DROSHA: variants seen among roughly 807,000 people sequenced by gnomAD.
DROSHA encodes the protein ribonuclease 3.
A neutral mutation model predicts 181.9 loss-of-function variants in DROSHA; 56 were observed. That is an observed-to-expected ratio of 0.31 (90% confidence interval 0.25 to 0.38). DROSHA has a LOEUF of 0.38. DROSHA is among the 10% of genes least tolerant of loss of function. DROSHA has a pLI of 1.00. For synonymous variants in DROSHA, 524 were observed against 591.2 expected (o/e 0.89, Z 1.65); for missense variants, 1,218 against 1,743.5 (o/e 0.70, Z 5.37).
At chr5:31,519,301 G>A (rs1423320352) in intron 6 of DROSHA, among the ~76,000 whole-genome samples, 4 of 151,984 alleles carry the variant, frequency 2.6e-5, no homozygotes, top group Admixed American at 2.6e-4. Flanking sequence ...CTTTTCTCCT[G>A]TCTCCTCTCC....
intron 23 of DROSHA, among the ~76,000 whole-genome samples, chr5:31,446,808 G>C (rs181659211): frequency 3.3e-5 from 5 of 152,312 alleles, no homozygotes; most frequent in Admixed American, 3.3e-4. Context: ...GGGAGCCCAA[G>C]GCAGATGGAT....
intron 8 of DROSHA, among the ~76,000 whole-genome samples, chr5:31,511,564 G>C (rs1185583311): frequency 1.3e-5 from 2 of 152,024 alleles, no homozygotes; most frequent in African/African-American, 2.4e-5. Flanking sequence ...AAATTAGCCA[G>C]GTGGTGTGTG....
In DROSHA at chr5:31,401,367, A is replaced by G; in HGVS notation, c.*65T>C. On this transcript the variant is annotated 3_prime_UTR_variant, in exon 36 of 36. Transcript: ENST00000344624. Reference sequence around the variant, plus strand: ...TCATTGTCTGCAGGAAAACTAGGCTAGGTCTCAATAGACAACAGTCACAGT... The same window carrying G: ...TCATTGTCTGCAGGAAAACTAGGCTGGGTCTCAATAGACAACAGTCACAGT... 1.9e-6 allele frequency: 3 copies of G among 1,587,366 alleles called. No individual in the cohort carries two copies. Among genetic ancestry groups the G allele is most frequent in the Non-Finnish European group, 2.6e-6 (3 of 1,161,920 alleles).
At position 31,471,299 on chromosome 5, in the gene DROSHA, C is replaced by T. The variant is rs756469576; in HGVS notation, c.2241+764G>A. 2.0e-4 allele frequency among the ~76,000 whole-genome samples: 31 copies of T among 152,078 alleles called. No individual in the cohort carries two copies. In the South Asian group the frequency reaches 3.1e-3, roughly 15 times the overall value. ...AAGTAGATTATTCCATTTATTTTCA[C>T]GGAAATATTTTAATTCTTCATTTCT... On this transcript the variant is annotated intron_variant, in intron 17 of 35. Coordinates refer to ENST00000344624, the MANE Select transcript of DROSHA (RefSeq NM_001382508.1).
At chr5:31,431,366 C>CAAAAAAAAAAAAAAAAAAAAAAAAA (rs58316191) in intron 26 of DROSHA, among the ~76,000 whole-genome samples, 3 of 57,648 alleles carry the variant, frequency 5.2e-5, no homozygotes, top group African/African-American at 1.3e-4. Context: ...CAGTAGAATG[C>CAAAAAAAAAAAAAAAAAAAAAAAAA]AAAAAAAAAA....
At chr5:31,518,325 A>C (rs1739494279) in intron 6 of DROSHA, among the ~76,000 whole-genome samples, 1 of 152,214 alleles carries the variant, frequency 6.6e-6, no homozygotes. Flanking sequence ...TTGTGAAGAA[A>C]ACTGGTATTT....
intron 18 of DROSHA, chr5:31,467,335 CAAGGTA>C (rs920912886): frequency 6.7e-6 from 1 of 150,044 alleles, no homozygotes; most frequent in African/African-American, 2.4e-5. Flanking sequence ...GTGTGTTTAG[CAAGGTA>C]GGAAATCCAA....
chr5:31,484,331 G>C (rs4867335), intron 15 of DROSHA, among the ~76,000 whole-genome samples: 9,617 of 128,596 alleles, frequency 0.075, 589 homozygotes, highest in East Asian at 0.18. Context: ...CCGAGATTGC[G>C]CCACTGCAGT....
At chr5:31,453,929 A>T (rs113608457) in intron 20 of DROSHA, among the ~76,000 whole-genome samples, 2,613 of 111,060 alleles carry the variant, frequency 0.024, 73 homozygotes, top group African/African-American at 0.11. Context: ...TGCTTTAATT[A>T]AAAAAAAAAA....
chr5:31,465,617 T>A (rs570940968), intron 19 of DROSHA, among the ~76,000 whole-genome samples: 1 of 152,212 alleles, frequency 6.6e-6, no homozygotes, highest in South Asian at 2.1e-4. Flanking sequence ...AAATTTCACA[T>A]TGAAATATGA....
At chr5:31,424,917 G>A (rs918395620) in intron 27 of DROSHA, among the ~76,000 whole-genome samples, 3 of 151,984 alleles carry the variant, frequency 2.0e-5, no homozygotes, top group Non-Finnish European at 1.5e-5. Context: ...AGTGGAAAAC[G>A]CCCCATGTCG....
intron 18 of DROSHA, 160 bp downstream of exon 18, chr5:31,467,779 C>T (rs770327517): frequency 1.9e-5 from 17 of 890,964 alleles, no homozygotes; most frequent in Non-Finnish European, 2.6e-5. Flanking sequence ...TCTTCAGGAG[C>T]TACCACAATT....
chr5:31,421,475 A>T (rs1446451971), intron 29 of DROSHA, 98 bp from the exon 30 acceptor site: 1 of 982,414 alleles, frequency 1.0e-6, no homozygotes. Flanking sequence ...TAAAAAGACA[A>T]TGTGTTCATT....
In DROSHA at chr5:31,486,529, C is replaced by CT; in HGVS notation, c.1875dup (p.Asp626ArgfsTer8). The CT allele has an allele frequency of 6.2e-7, 1 of 1,613,680 alleles. No individual in the cohort carries two copies. Among genetic ancestry groups the CT allele is most frequent in the Non-Finnish European group, 8.5e-7 (1 of 1,179,806 alleles). ...TCTTCAATGAAATGAATCGTGTAGT[C>CT]TATGTTGAATCTAATTACTTTACAC... On this transcript the variant is annotated frameshift_variant, in exon 14 of 36. Transcript: ENST00000344624. LOFTEE classifies it high-confidence loss of function.
intron 23 of DROSHA, among the ~76,000 whole-genome samples, chr5:31,438,305 A>T (rs932314739): frequency 6.6e-6 from 1 of 152,164 alleles, no homozygotes; most frequent in African/African-American, 2.4e-5. Flanking sequence ...AGTGCAGGAC[A>T]GAGAAGCACT....
At chr5:31,519,680 C>G (rs923254089) in intron 6 of DROSHA, among the ~76,000 whole-genome samples, 2 of 152,152 alleles carry the variant, frequency 1.3e-5, no homozygotes, top group Non-Finnish European at 2.9e-5. Context: ...CCATCAGGTT[C>G]ATCGTGAGCT....
At chr5:31,503,699 G>A (rs953688391) in intron 11 of DROSHA, among the ~76,000 whole-genome samples, 1 of 152,182 alleles carries the variant, frequency 6.6e-6, no homozygotes, top group Admixed American at 6.5e-5. Flanking sequence ...TGTCACAGGT[G>A]TTGATCCCTC....
intron 28 of DROSHA, 79 bp downstream of exon 28, chr5:31,424,348 G>A (rs1580041023): frequency 1.3e-6 from 2 of 1,507,954 alleles, no homozygotes; most frequent in East Asian, 2.4e-5. Flanking sequence ...TAAAAGTGGG[G>A]AAGGAAAAAA....
At chr5:31,459,521 C>A (rs1748132885) in intron 20 of DROSHA, among the ~76,000 whole-genome samples, 1 of 151,948 alleles carries the variant, frequency 6.6e-6, no homozygotes, top group African/African-American at 2.4e-5. Context: ...TCAAGTATCT[C>A]ATACAGACTA....
Sources: gnomAD v4.1 joint callset for allele counts (sites outside exome capture counted in the v4.1 genomes callset) on GRCh38, gnomAD v4.1.1 for gene constraint, MANE v1.5 for transcripts, NCBI Gene and HGNC (gene_info 2026-07-23, HGNC 2026-07-21) for gene names.